The following IL3RA variants were observed in gnomAD, a reference collection of about 807,000 sequenced individuals.
The protein encoded by IL3RA is interleukin 3 receptor subunit alpha, also known as interleukin-3 receptor subunit alpha.
A neutral mutation model predicts 52.3 loss-of-function variants in IL3RA; 73 were observed. That is an observed-to-expected ratio of 1.40 (90% CI 1.16 to 1.70). The LOEUF is 1.70. Ranked by LOEUF, IL3RA falls within the 40% of genes most tolerant of loss-of-function variation. IL3RA has a pLI of 0.00. For missense variants in IL3RA, 664 were observed against 504.4 expected (o/e 1.32, Z -3.03); for synonymous variants, 260 against 194.0 (o/e 1.34, Z -2.83).
intron 2 of IL3RA, among the ~76,000 whole-genome samples, chrX:1,343,832 G>A (rs1240887828): frequency 5.2e-5 from 7 of 135,242 alleles, no homozygotes; most frequent in Non-Finnish European, 9.3e-5. Flanking sequence ...GTCTCGCTCT[G>A]TTACCCAGGC....
intron 9 of IL3RA, among the ~76,000 whole-genome samples, chrX:1,377,402 G>A (rs1480301437): frequency 3.3e-5 from 5 of 151,880 alleles, no homozygotes; most frequent in Non-Finnish European, 5.9e-5. Flanking sequence ...CACCACACCC[G>A]GCTACTGTTT....
At position 1,352,290 on chromosome X, in the gene IL3RA, G is replaced by A. The variant is rs770469054; in HGVS notation, c.432-32G>A. Reference sequence around the variant, plus strand: ...CCCTGGTGCGGGTGCCATCGGCGTGGGGTCGTCCCCCAACCTTACCGCTTA... The same window carrying A: ...CCCTGGTGCGGGTGCCATCGGCGTGAGGTCGTCCCCCAACCTTACCGCTTA... On this transcript the variant is annotated intron_variant, in intron 5 of 11. Transcript: ENST00000331035. 1.4e-5 allele frequency: 22 copies of A among 1,613,072 alleles called. No homozygotes were observed. In the South Asian group the frequency reaches 1.5e-4, roughly 11 times the overall value.
chrX:1,345,473 A>T (rs17883769), intron 3 of IL3RA, 39 bp downstream of exon 3: 8 of 1,314,574 alleles, frequency 6.1e-6, no homozygotes, highest in Non-Finnish European at 8.3e-6. Flanking sequence ...TTTTTATTTT[A>T]TTTATTTATG....
chrX:1,366,600 C>A (rs768741367), intron 9 of IL3RA, among the ~76,000 whole-genome samples: 2 of 21,894 alleles, frequency 9.1e-5, no homozygotes, highest in African/African-American at 4.5e-4. Flanking sequence ...GTGCGCGGTG[C>A]GCGGGGTGAG....
chrX:1,360,252 TTCTCCCTCCATCTTTCTCTCTCTCTCC>T, intron 8 of IL3RA, among the ~76,000 whole-genome samples: 1 of 38,634 alleles, frequency 2.6e-5, no homozygotes, highest in Non-Finnish European at 5.2e-5. Flanking sequence ...CTCTCTCCCT[TTCTCCCTCCATCTTTCTCTCTCTCTCC>T]TGGTCTCTAT....
chrX:1,341,672 C>A, intron 1 of IL3RA, 56 bp from the exon 2 acceptor site: 2 of 1,427,756 alleles, frequency 1.4e-6, no homozygotes, highest in Non-Finnish European at 2.0e-6. Flanking sequence ...TCCTTCATTA[C>A]CCGCAACCCA....
Position 1,341,762 on chromosome X carries a change from C to T in IL3RA, c.-4C>T, listed in dbSNP as rs756895881. 18 of 1,613,794 alleles carry T rather than the reference C, an allele frequency of 1.1e-5. No individual in the cohort carries two copies. In the South Asian group the frequency reaches 2.0e-4, roughly 18 times the overall value. On this transcript the variant is annotated 5_prime_UTR_variant, in exon 2 of 12. Transcript: ENST00000331035. ...CTGTCCTGCGTTCCGGAGCTGCGTTCCCGATGGTCCTCCTTTGGCTCACGC... is the reference window on the plus strand; with the variant it reads ...CTGTCCTGCGTTCCGGAGCTGCGTTTCCGATGGTCCTCCTTTGGCTCACGC...
chrX:1,348,774 C>G (rs756602340), intron 4 of IL3RA, among the ~76,000 whole-genome samples: 2 of 145,682 alleles, frequency 1.4e-5, no homozygotes, highest in South Asian at 2.2e-4. Context: ...TTTTCTTTCT[C>G]TTTCCCTCCC....
chrX:1,348,688 T>C (rs867022654), intron 4 of IL3RA, 143 bp downstream of exon 4: 1 of 397,432 alleles, frequency 2.5e-6, no homozygotes, highest in South Asian at 3.2e-5. Context: ...CTTTCTTTCT[T>C]TCTTTTTCTT....
intron 3 of IL3RA, 102 bp from the exon 4 acceptor site, chrX:1,348,329 G>C (rs2085868367): frequency 1.1e-6 from 1 of 897,030 alleles, no homozygotes; most frequent in African/African-American, 1.6e-5. Flanking sequence ...CTCCAGCGTG[G>C]GCGACGAGAG....
chrX:1,344,434 A>G (rs376952821), intron 2 of IL3RA, among the ~76,000 whole-genome samples: 3 of 151,230 alleles, frequency 2.0e-5, no homozygotes, highest in South Asian at 2.1e-4. Flanking sequence ...ACTCCGTCTC[A>G]AAACAAACAA....
rs781190183 is a variant in IL3RA, at chrX:1,352,134, C to G, written c.333C>G (p.Thr111=). 1 of 1,613,826 alleles carries G rather than the reference C, an allele frequency of 6.2e-7. No individual in the cohort carries two copies. The highest frequency in any genetic ancestry group is 1.7e-5 in the Admixed American group (1 of 59,996). ...CTTGGGCAGGTGCGGAGAATCTGAC[C>G]TGCTGGATTCATGACGTGGATTTCT... The part of the protein sequence containing the change: ...GKPWAGAENL[T]CWIHDVDFLS... Residue 111 remains threonine (T), a synonymous_variant, in exon 5 of 12, where the codon ACC becomes ACG. Transcript: ENST00000331035.
intron 6 of IL3RA, among the ~76,000 whole-genome samples, chrX:1,355,768 C>T (rs1603445058): frequency 1.3e-5 from 2 of 151,580 alleles, no homozygotes; most frequent in East Asian, 2.0e-4. Context: ...AGAGGGCCTC[C>T]AAGGCTCCAG....
rs2086652758 is a variant in IL3RA at position 1,355,648 on chromosome X, TG to T, written c.617-567del. 4.7e-5 allele frequency among the ~76,000 whole-genome samples: 3 copies of T among 64,340 alleles called. No individual in the cohort carries two copies. In the South Asian group the frequency reaches 1.5e-3, roughly 32 times the overall value. 42.2% of individuals were successfully genotyped at this position (64,340 alleles called of 152,430 possible). On this transcript the variant is annotated intron_variant, in intron 6 of 11. Transcript: ENST00000331035. Reference sequence around the variant, plus strand: ...CCACTGGGAGAGGCGGCACATCCCCTGGGGGGCGGAGGTGGGGGAGGTGAGA... The same window carrying T: ...CCACTGGGAGAGGCGGCACATCCCCTGGGGGCGGAGGTGGGGGAGGTGAGA...
chrX:1,341,956 G>C (rs369503167), intron 2 of IL3RA, 127 bp downstream of exon 2: 2 of 973,328 alleles, frequency 2.1e-6, no homozygotes, highest in Admixed American at 1.8e-5. Flanking sequence ...CTCATGCAGT[G>C]GTCGGGAATG....
chrX:1,365,298 G>A lies in IL3RA; in HGVS notation c.874+46G>A, dbSNP rs747151024. 20 of 1,348,268 alleles carry A rather than the reference G, an allele frequency of 1.5e-5. No homozygotes were observed. The East Asian group carries it at 2.2e-4, about 15-fold the overall frequency. 83.5% of individuals were successfully genotyped at this position (1,348,268 alleles called of 1,614,324 possible). A position where few individuals can be genotyped will look rare whatever the true frequency, so the allele number is the denominator to read the frequency against. ...GCGCGGGGTGAGCGGGGTGAGCGGGGTGCGCGGGGTGAGCGGGGTGCGCGG... is the reference window on the plus strand; with the variant it reads ...GCGCGGGGTGAGCGGGGTGAGCGGGATGCGCGGGGTGAGCGGGGTGCGCGG... On this transcript the variant is annotated intron_variant, in intron 9 of 11. Transcript: ENST00000331035.
chrX:1,352,730 GTAGA>G (rs370877504), intron 6 of IL3RA, among the ~76,000 whole-genome samples: 3,193 of 151,876 alleles, frequency 0.021, 120 homozygotes, highest in African/African-American at 0.073. Context: ...TTCACGTGGT[GTAGA>G]GAGAGAGAGA....
At chrX:1,341,509 C>G (rs1161017447) in intron 1 of IL3RA, among the ~76,000 whole-genome samples, 2 of 151,392 alleles carry the variant, frequency 1.3e-5, no homozygotes, top group African/African-American at 2.4e-5. Flanking sequence ...TACACACACA[C>G]GAATATTCGT....
At chrX:1,340,115 C>CT (rs779128210) in intron 1 of IL3RA, among the ~76,000 whole-genome samples, 4,324 of 127,158 alleles carry the variant, frequency 0.034, 244 homozygotes, top group African/African-American at 0.1. Context: ...CTTTTCTTTT[C>CT]TTTTTTTTTT....
Sources: gnomAD v4.1 joint callset for allele counts (sites outside exome capture counted in the v4.1 genomes callset) on GRCh38, gnomAD v4.1.1 for gene constraint, MANE v1.5 for transcripts, NCBI Gene and HGNC (gene_info 2026-07-23, HGNC 2026-07-21) for gene names.